IGFL2: variants seen among roughly 807,000 people sequenced by gnomAD.
IGFL2 encodes insulin growth factor-like family member 2.
In IGFL2, 7 loss-of-function variants were observed where a neutral mutation model predicts 13.9. The ratio of observed to expected loss-of-function variants is 0.51; its 90% confidence interval spans 0.29 to 0.95. The LOEUF (loss-of-function observed/expected upper bound fraction) is 0.95, where lower values mean the gene tolerates loss of function less well. IGFL2 is among the 40% of genes least tolerant of loss of function. The pLI is 0.08. For synonymous variants in IGFL2, 55 were observed against 55.8 expected (o/e 0.99, Z 0.07); for missense variants, 138 against 147.8 (o/e 0.93, Z 0.34).
chr19:46,139,989 G>T (rs1231863728), upstream of IGFL2, among the ~76,000 whole-genome samples: 3 of 151,844 alleles, frequency 2.0e-5, no homozygotes, highest in Admixed American at 2.0e-4. Flanking sequence ...CATTCTTGTT[G>T]CCCAGGCTGG....
At chr19:46,138,035 G>A in the IGFL2 span, among the ~76,000 whole-genome samples, 1 of 152,138 alleles carries the variant, frequency 6.6e-6, no homozygotes, top group Admixed American at 6.5e-5. Context: ...AGCCATTTCG[G>A]TCTGGTTAAG....
the IGFL2 span, chr19:46,189,956 G>A: frequency 2.0e-5 from 3 of 152,140 alleles, no homozygotes; most frequent in African/African-American, 4.8e-5. Flanking sequence ...TAAGTAACAC[G>A]TCCTGGGTTG....
chr19:46,186,668 A>T, the IGFL2 span, among the ~76,000 whole-genome samples: 1 of 152,234 alleles, frequency 6.6e-6, no homozygotes, highest in African/African-American at 2.4e-5. Flanking sequence ...CTTCCAGAAG[A>T]TATTACAAGA....
chr19:46,108,651 C>T, the IGFL2 span, among the ~76,000 whole-genome samples: 1 of 152,004 alleles, frequency 6.6e-6, no homozygotes, highest in South Asian at 2.1e-4. Context: ...GTGCTTGCCA[C>T]CCAGGGGAGG....
At chr19:46,148,381 C>T in intron 1 of IGFL2, 84 bp downstream of exon 1, 2 of 1,208,928 alleles carry the variant, frequency 1.7e-6, no homozygotes, top group South Asian at 1.3e-5. Flanking sequence ...ATTCTCTCTT[C>T]CCTATTTAAT....
the IGFL2 span, chr19:46,113,754 A>T: frequency 6.0e-6 from 1 of 165,812 alleles, no homozygotes; most frequent in Non-Finnish European, 1.3e-5. Flanking sequence ...AGAGCCCTGA[A>T]CTACCCTAAT....
chr19:46,084,389 G>C, the IGFL2 span, among the ~76,000 whole-genome samples: 151 of 152,242 alleles, frequency 9.9e-4, 1 homozygote, highest in Non-Finnish European at 1.2e-3. Context: ...TGAAAGTGGG[G>C]TGTTGAAGTC....
At chr19:46,145,245 A>G (rs1973059207), upstream of IGFL2, among the ~76,000 whole-genome samples, 1 of 152,186 alleles carries the variant, frequency 6.6e-6, no homozygotes, top group Non-Finnish European at 1.5e-5. Flanking sequence ...CATCAGTAAA[A>G]TATGAGAAAT....
At chr19:46,115,955 G>A in the IGFL2 span, among the ~76,000 whole-genome samples, 5 of 152,042 alleles carry the variant, frequency 3.3e-5, no homozygotes, top group Non-Finnish European at 2.9e-5. Context: ...TTGCTCTGCC[G>A]CCTGTGTGAA....
Position 46,156,996 on chromosome 19 carries a change from G to A in IGFL2, c.20-3419G>A, listed in dbSNP as rs146980960. Among the ~76,000 whole-genome samples the A allele has an allele frequency of 5.0e-3, 755 of 152,190 alleles. 1 individual carries two copies. Among genetic ancestry groups the A allele is most frequent in the Non-Finnish European group, 8.3e-3 (565 of 67,972 alleles). ...TAAAAGAATAATAGTGGAAAACTAG[G>A]AATAACTCTACACAATTTGACAACT... On this transcript the variant is annotated intron_variant, in intron 1 of 3. Coordinates refer to ENST00000377693, the MANE Select transcript of IGFL2 (RefSeq NM_001135113.2).
chr19:46,120,472 A>G, the IGFL2 span: 7 of 1,424,216 alleles, frequency 4.9e-6, no homozygotes, highest in Non-Finnish European at 6.7e-6. Flanking sequence ...CTGCTACACC[A>G]GATGTGTAGA....
chr19:46,124,006 G>A, the IGFL2 span: 1 of 1,611,470 alleles, frequency 6.2e-7, no homozygotes, highest in East Asian at 2.3e-5. Flanking sequence ...CTCAAAGCAG[G>A]GCCAGAAGGT....
chr19:46,092,258 C>T, the IGFL2 span, among the ~76,000 whole-genome samples: 1 of 152,124 alleles, frequency 6.6e-6, no homozygotes, highest in Non-Finnish European at 1.5e-5. Context: ...CTCCTGGGCT[C>T]AAGCGATTCT....
upstream of IGFL2, among the ~76,000 whole-genome samples, chr19:46,139,583 C>A (rs1046995832): frequency 6.6e-6 from 1 of 151,778 alleles, no homozygotes; most frequent in Non-Finnish European, 1.5e-5. Flanking sequence ...TAAAGCAGGA[C>A]AAGTAATAAT....
the IGFL2 span, among the ~76,000 whole-genome samples, chr19:46,125,314 A>G: frequency 6.6e-6 from 1 of 152,158 alleles, no homozygotes; most frequent in Non-Finnish European, 1.5e-5. Context: ...TCTTAGTTAC[A>G]TGGTCAGGGA....
the IGFL2 span, among the ~76,000 whole-genome samples, chr19:46,087,594 C>T: frequency 1.3e-5 from 2 of 152,228 alleles, no homozygotes; most frequent in Non-Finnish European, 2.9e-5. Context: ...GGCCATGCTA[C>T]TGGGAACAGT....
the IGFL2 span, among the ~76,000 whole-genome samples, chr19:46,090,927 G>C: frequency 6.6e-6 from 1 of 152,124 alleles, no homozygotes. Flanking sequence ...GCAAAATTTT[G>C]TTTACTTTCC....
the IGFL2 span, chr19:46,208,617 G>T: frequency 2.6e-5 from 4 of 152,178 alleles, no homozygotes. Flanking sequence ...TCAGGGGAAG[G>T]ATCTGGTAGG....
At chr19:46,099,180 C>T in the IGFL2 span, among the ~76,000 whole-genome samples, 1 of 152,220 alleles carries the variant, frequency 6.6e-6, no homozygotes, top group African/African-American at 2.4e-5. Context: ...AGGGTTTCTG[C>T]TGAGAGGTCC....
Sources: allele counts gnomAD v4.1 joint callset (sites outside exome capture counted in the v4.1 genomes callset), GRCh38; gene constraint gnomAD v4.1.1; transcripts MANE v1.5; gene names NCBI Gene and HGNC (gene_info 2026-07-23, HGNC 2026-07-21).